Variants in SLC25A26 observed in about 807,000 individuals in gnomAD.
SLC25A26 encodes solute carrier family 25 member 26.
Under a neutral mutation model 37.8 loss-of-function variants are expected in SLC25A26, and 36 were observed. The observed-to-expected ratio is 0.95, with a 90% CI of 0.73 to 1.26. SLC25A26 has a LOEUF of 1.26. Ranked by LOEUF, SLC25A26 falls within the 50% of genes most tolerant of loss-of-function variation. The pLI, the probability that SLC25A26 is intolerant of heterozygous loss-of-function variation, is 0.00. For synonymous variants in SLC25A26, 129 were observed against 122.5 expected (o/e 1.05, Z -0.35); for missense variants, 390 against 331.1 (o/e 1.18, Z -1.38).
chr3:66,194,740 T>A (rs1209828471), intron 1 of SLC25A26, among the ~76,000 whole-genome samples: 1 of 152,226 alleles, frequency 6.6e-6, no homozygotes, highest in East Asian at 1.9e-4. Flanking sequence ...TAGCTGGGAT[T>A]ACAGGCATGC....
At chr3:66,161,093 C>T (rs569717803) in intron 1 of SLC25A26, among the ~76,000 whole-genome samples, 1 of 150,922 alleles carries the variant, frequency 6.6e-6, no homozygotes, top group Non-Finnish European at 1.5e-5. Flanking sequence ...CCGATTCAGT[C>T]TAGATATTAT....
At chr3:66,363,005 C>A (rs2076746525) in intron 7 of SLC25A26, 76 bp downstream of exon 7, 3 of 971,102 alleles carry the variant, frequency 3.1e-6, no homozygotes, top group Non-Finnish European at 1.5e-6. Context: ...GCAAAAACAA[C>A]ATTCTTTAGA....
intron 5 of SLC25A26, among the ~76,000 whole-genome samples, chr3:66,276,642 TC>T (rs889918610): frequency 1.3e-5 from 2 of 152,054 alleles, no homozygotes; most frequent in Non-Finnish European, 2.9e-5. Context: ...CCTTTTTTGT[TC>T]CCTGTGCTGC....
At chr3:66,324,091 G>A (rs1035383934) in intron 5 of SLC25A26, 2 of 151,870 alleles carry the variant, frequency 1.3e-5, no homozygotes, top group Admixed American at 1.3e-4. Context: ...ATCAGTAGTG[G>A]GATAGTGCCT....
intron 5 of SLC25A26, among the ~76,000 whole-genome samples, chr3:66,329,305 A>C (rs1302359262): frequency 1.3e-5 from 2 of 152,172 alleles, no homozygotes; most frequent in African/African-American, 2.4e-5. Context: ...GTCATACTTA[A>C]GGACCTCTTC....
intron 7 of SLC25A26, among the ~76,000 whole-genome samples, chr3:66,364,326 A>G (rs1328593402): frequency 5.9e-5 from 9 of 152,210 alleles, no homozygotes; most frequent in Admixed American, 5.9e-4. Context: ...ACTTCCTATC[A>G]GACATCCTCT....
intron 6 of SLC25A26, among the ~76,000 whole-genome samples, chr3:66,360,935 A>G (rs1270549433): frequency 2.0e-5 from 3 of 152,256 alleles, no homozygotes; most frequent in African/African-American, 7.2e-5. Flanking sequence ...CAAAATATTT[A>G]GAATAGGTAG....
intron 5 of SLC25A26, among the ~76,000 whole-genome samples, chr3:66,265,247 C>T (rs1191657579): frequency 1.3e-5 from 2 of 151,946 alleles, no homozygotes; most frequent in Non-Finnish European, 2.9e-5. Context: ...GTCGAGGCTG[C>T]AGTGAGCTGT....
At position 66,230,891 on chromosome 3, in the gene SLC25A26, A is replaced by G. The variant is rs540752463; in HGVS notation, c.34-5653A>G. ...GCACAGGAATGAGAAGTTTTAGGAA[A>G]CAACTGGGTGCAGTGGCTTATGCCT... On this transcript the variant is annotated intron_variant, in intron 1 of 9. Coordinates refer to ENST00000354883, the MANE Select transcript of SLC25A26 (RefSeq NM_001379210.1). Among the ~76,000 whole-genome samples the G allele has an allele frequency of 1.9e-4, 29 of 150,670 alleles. 1 individual carries two copies. The East Asian group carries it at 5.3e-3, about 27-fold the overall frequency.
intron 4 of SLC25A26, among the ~76,000 whole-genome samples, chr3:66,262,467 C>T (rs2073567816): frequency 6.6e-6 from 1 of 152,102 alleles, no homozygotes; most frequent in Non-Finnish European, 1.5e-5. Context: ...ATTAAAACAT[C>T]AGTATAGTAT....
chr3:66,194,954 C>G (rs1477699735), intron 1 of SLC25A26, among the ~76,000 whole-genome samples: 2 of 152,178 alleles, frequency 1.3e-5, no homozygotes, highest in Non-Finnish European at 2.9e-5. Flanking sequence ...CCTGGGGTCC[C>G]CACCCAGCCA....
intron 6 of SLC25A26, among the ~76,000 whole-genome samples, chr3:66,351,652 A>C (rs549539093): frequency 6.6e-6 from 1 of 152,178 alleles, no homozygotes; most frequent in African/African-American, 2.4e-5. Context: ...CTGAGTGGCT[A>C]GGTCAGAACA....
chr3:66,198,359 C>T (rs903227613), intron 1 of SLC25A26, among the ~76,000 whole-genome samples: 1 of 151,998 alleles, frequency 6.6e-6, no homozygotes, highest in Non-Finnish European at 1.5e-5. Context: ...CAAGACACTG[C>T]AGTTCATGAA....
At chr3:66,186,107 A>T (rs1230191476) in intron 1 of SLC25A26, among the ~76,000 whole-genome samples, 2 of 151,840 alleles carry the variant, frequency 1.3e-5, no homozygotes, top group Admixed American at 1.3e-4. Flanking sequence ...CCTGATGCAT[A>T]CCTGACCCTA....
chr3:66,237,723 C>T (rs1365837323), intron 2 of SLC25A26, among the ~76,000 whole-genome samples: 2 of 152,158 alleles, frequency 1.3e-5, no homozygotes, highest in Admixed American at 6.5e-5. Flanking sequence ...TTGGATGCCT[C>T]TAGTGGCATT....
chr3:66,153,083 G>C (rs1316374102), intron 1 of SLC25A26, among the ~76,000 whole-genome samples: 1 of 152,172 alleles, frequency 6.6e-6, no homozygotes, highest in African/African-American at 2.4e-5. Context: ...CCCCAGAGGA[G>C]GGGATTTTCT....
At chr3:66,189,832 AT>A (rs1184350616) in intron 1 of SLC25A26, among the ~76,000 whole-genome samples, 12 of 149,210 alleles carry the variant, frequency 8.0e-5, no homozygotes, top group East Asian at 3.9e-4. Flanking sequence ...TAGGTAATTA[AT>A]TTTTTTTTTT....
At chr3:66,181,465 C>T (rs903694025) in intron 1 of SLC25A26, among the ~76,000 whole-genome samples, 1 of 152,140 alleles carries the variant, frequency 6.6e-6, no homozygotes, top group African/African-American at 2.4e-5. Flanking sequence ...GCAAACGGCA[C>T]CCTAAAAAAT....
intron 1 of SLC25A26, among the ~76,000 whole-genome samples, chr3:66,174,722 C>T (rs2070550960): frequency 6.6e-6 from 1 of 150,816 alleles, no homozygotes. Context: ...GGAGGTGGAG[C>T]TTGCAGTGAG....
Sources: allele counts gnomAD v4.1 joint callset (sites outside exome capture counted in the v4.1 genomes callset), GRCh38; gene constraint gnomAD v4.1.1; transcripts MANE v1.5; gene names NCBI Gene and HGNC (gene_info 2026-07-23, HGNC 2026-07-21).